The following U2SURP variants were observed in gnomAD, a reference collection of about 807,000 sequenced individuals.
The protein encoded by U2SURP is U2 snRNP associated SURP domain containing, also known as U2 snRNP-associated SURP motif-containing protein.
In U2SURP, 9 loss-of-function variants were observed where a neutral mutation model predicts 144.9. That is an observed-to-expected ratio of 0.06 (90% confidence interval 0.04 to 0.11). The LOEUF (loss-of-function observed/expected upper bound fraction) is 0.11. U2SURP is among the 10% of genes least tolerant of loss of function. U2SURP has a pLI of 1.00. For missense variants in U2SURP, 724 were observed against 1,226.7 expected, an observed-to-expected ratio of 0.59 and a Z score of 6.12; for synonymous variants, 408 against 396.8, an observed-to-expected ratio of 1.03 and a Z score of -0.33.
intron 8 of U2SURP, 55 bp from the exon 9 acceptor site, chr3:143,021,295 G>T (rs1456972678): frequency 4.5e-6 from 7 of 1,539,920 alleles, no homozygotes; most frequent in South Asian, 1.2e-5. Flanking sequence ...GTGAGGGTAA[G>T]GGGGGACTAC....
chr3:143,035,890 A>G, intron 19 of U2SURP, 92 bp from the exon 20 acceptor site: 1 of 1,380,474 alleles, frequency 7.2e-7, no homozygotes, highest in Non-Finnish European at 9.5e-7. Flanking sequence ...TTAAAGGCAA[A>G]TTTAGCAAAT....
intron 23 of U2SURP, among the ~76,000 whole-genome samples, chr3:143,041,871 A>T (rs188186522): frequency 6.6e-6 from 1 of 152,016 alleles, no homozygotes; most frequent in Non-Finnish European, 1.5e-5. Flanking sequence ...ATCACAGTCA[A>T]CATTGTTTGT....
chr3:143,014,952 G>C (rs1346822408), intron 4 of U2SURP, among the ~76,000 whole-genome samples: 2 of 151,976 alleles, frequency 1.3e-5, no homozygotes, highest in Non-Finnish European at 2.9e-5. Context: ...TGTTATCTTT[G>C]GGATATATTC....
Position 143,022,660 on chromosome 3 carries a change from A to G in U2SURP, c.1016A>G (p.Asn339Ser). ...GCTGAAAGAGCTTTAAAAAATTTGA[A>G]TGGTAAGAACATTTTTATTATCCAT... ...RDAERALKNL[N>S]GKMIMSFEMK... The change falls in exon 11 of 28, where the codon AAT (asparagine) becomes AGT (serine). Residue 339 changes from asparagine to serine, a missense_variant and splice_region_variant. Transcript: ENST00000473835. 6.2e-7 allele frequency: 1 copy of G among 1,609,136 alleles called. No homozygotes were observed. Among genetic ancestry groups the G allele is most frequent in the Non-Finnish European group, 8.5e-7 (1 of 1,178,378 alleles).
intron 19 of U2SURP, 107 bp from the exon 20 acceptor site, chr3:143,035,875 T>C: frequency 2.5e-6 from 3 of 1,181,944 alleles, no homozygotes; most frequent in Non-Finnish European, 3.4e-6. Context: ...TAAAAAAACA[T>C]CAGTTTAAAG....
At chr3:143,053,876 C>G in intron 26 of U2SURP, 82 bp downstream of exon 26, 2 of 1,138,252 alleles carry the variant, frequency 1.8e-6, no homozygotes. Context: ...TCATTGATGC[C>G]CGCAAACTGG....
At chr3:143,033,473 G>A in intron 18 of U2SURP, 123 bp downstream of exon 18, 1 of 569,636 alleles carries the variant, frequency 1.8e-6, no homozygotes, top group South Asian at 2.3e-5. Context: ...CTCCATGTCT[G>A]TGGGTTCCTT....
At chr3:143,014,608 T>G (rs1008505549) in intron 4 of U2SURP, among the ~76,000 whole-genome samples, 199 bp downstream of exon 4, 1 of 152,070 alleles carries the variant, frequency 6.6e-6, no homozygotes, top group African/African-American at 2.4e-5. Flanking sequence ...GTTTCTTTTT[T>G]CTTTGTTATA....
chr3:143,014,643 CT>C (rs1239118661), intron 4 of U2SURP, among the ~76,000 whole-genome samples: 1 of 151,912 alleles, frequency 6.6e-6, no homozygotes, highest in Non-Finnish European at 1.5e-5. Flanking sequence ...CTAATCTATT[CT>C]TTTTGTATAA....
At chr3:143,003,336 T>G (rs983135204) in intron 1 of U2SURP, among the ~76,000 whole-genome samples, 2 of 152,208 alleles carry the variant, frequency 1.3e-5, no homozygotes, top group African/African-American at 2.4e-5. Flanking sequence ...GTGGGAAGAT[T>G]ATGAATTTTG....
chr3:143,043,380 C>G, intron 24 of U2SURP, 104 bp downstream of exon 24: 9 of 1,234,292 alleles, frequency 7.3e-6, no homozygotes, highest in Non-Finnish European at 8.9e-6. Flanking sequence ...ACTGTTCCTT[C>G]TCTCTGCTTA....
chr3:143,004,797 A>G (rs893611700), intron 1 of U2SURP, among the ~76,000 whole-genome samples: 8 of 152,018 alleles, frequency 5.3e-5, no homozygotes, highest in Non-Finnish European at 7.4e-5. Context: ...ACATTTAACA[A>G]ATGTTCTAGA....
chr3:143,002,947 TACC>T (rs1393496967), intron 1 of U2SURP, among the ~76,000 whole-genome samples: 1 of 152,172 alleles, frequency 6.6e-6, no homozygotes, highest in Non-Finnish European at 1.5e-5. Flanking sequence ...GGGCGAGCTC[TACC>T]AACTCTTCTC....
intron 23 of U2SURP, among the ~76,000 whole-genome samples, chr3:143,041,018 A>AT (rs1230272097): frequency 6.6e-6 from 1 of 151,862 alleles, no homozygotes; most frequent in East Asian, 1.9e-4. Flanking sequence ...GAAAGCAAAC[A>AT]TTTTGGTAAA....
rs148629682 is a variant in U2SURP, at chr3:143,026,206, A to T, written c.1275-943A>T. The T allele has an allele frequency of 2.7e-4, 41 of 152,266 alleles. No individual in the cohort carries two copies. In the East Asian group the frequency reaches 3.9e-3, roughly 14 times the overall value. The allele number at this position is 152,266 out of a possible 1,614,324, so 9.4% of individuals were successfully genotyped here. ...TGTTTGGAGTCTAATAAAATATCAC[A>T]TGATTTTAGGACCCAGCTTCAGATA... On this transcript the variant is annotated intron_variant, in intron 13 of 27. Transcript: ENST00000473835.
chr3:143,042,964 A>G (rs550590430), intron 23 of U2SURP, among the ~76,000 whole-genome samples, 153 bp from the exon 24 acceptor site: 7 of 152,288 alleles, frequency 4.6e-5, no homozygotes, highest in African/African-American at 1.7e-4. Context: ...TTGATAAAAT[A>G]TTTTGCAAAA....
At chr3:143,003,677 C>CTTTTTTTTTTTTTTTTTTTTTTTTT (rs60505715) in intron 1 of U2SURP, among the ~76,000 whole-genome samples, 15 of 101,506 alleles carry the variant, frequency 1.5e-4, no homozygotes, top group Non-Finnish European at 2.5e-4. Context: ...TATTTTATTT[C>CTTTTTTTTTTTTTTTTTTTTTTTTT]TTTTTTTTTT....
At chr3:143,052,962 T>TTTG in intron 25 of U2SURP, among the ~76,000 whole-genome samples, 1 of 151,614 alleles carries the variant, frequency 6.6e-6, no homozygotes, top group Admixed American at 6.6e-5. Context: ...TTTTTTTTTT[T>TTTG]TTTTTGGTTG....
At chr3:143,040,057 A>G (rs868260081) in intron 23 of U2SURP, among the ~76,000 whole-genome samples, 1 of 151,914 alleles carries the variant, frequency 6.6e-6, no homozygotes, top group African/African-American at 2.4e-5. Flanking sequence ...TCGTGATCCT[A>G]TGATTAGTAA....
Sources: allele counts gnomAD v4.1 joint callset (sites outside exome capture counted in the v4.1 genomes callset), GRCh38; gene constraint gnomAD v4.1.1; transcripts MANE v1.5; gene names NCBI Gene and HGNC (gene_info 2026-07-23, HGNC 2026-07-21).